CLIC4: variants seen among roughly 807,000 people sequenced by gnomAD.
CLIC4 encodes chloride intracellular channel protein 4.
A neutral mutation model predicts 24.6 loss-of-function variants in CLIC4; 13 were observed. The observed-to-expected ratio is 0.53, with a 90% CI of 0.34 to 0.84. CLIC4 has a LOEUF of 0.84. Among genes scored for constraint, CLIC4 ranks in the 40% least tolerant of loss-of-function variants. The pLI, the probability that CLIC4 is intolerant of heterozygous loss-of-function variation, is 0.01. For synonymous variants in CLIC4, 104 were observed against 111.3 expected, an observed-to-expected ratio of 0.93 and a Z score of 0.41; for missense variants, 227 against 301.7, an observed-to-expected ratio of 0.75 and a Z score of 1.83.
intron 1 of CLIC4, among the ~76,000 whole-genome samples, chr1:24,764,633 G>A (rs1269827678): frequency 2.6e-5 from 4 of 151,302 alleles, no homozygotes; most frequent in Admixed American, 2.0e-4. Context: ...CACCCTGGGC[G>A]ACAGAGCAAG....
At chr1:24,764,894 T>TA (rs1638974063) in intron 1 of CLIC4, among the ~76,000 whole-genome samples, 1 of 152,200 alleles carries the variant, frequency 6.6e-6, no homozygotes, top group African/African-American at 2.4e-5. Context: ...ACTACAAATT[T>TA]AAAAAATCTT....
intron 1 of CLIC4, among the ~76,000 whole-genome samples, chr1:24,769,786 G>A (rs1335917671): frequency 6.6e-6 from 1 of 151,972 alleles, no homozygotes; most frequent in Non-Finnish European, 1.5e-5. Context: ...TGCATTTTGG[G>A]GGCCTGGTTA....
chr1:24,788,073 C>T (rs893243510), intron 1 of CLIC4, among the ~76,000 whole-genome samples: 4 of 149,486 alleles, frequency 2.7e-5, no homozygotes, highest in African/African-American at 7.4e-5. Flanking sequence ...AGGCTGGTCT[C>T]AAACTCCTGA....
intron 3 of CLIC4, among the ~76,000 whole-genome samples, chr1:24,826,598 T>C (rs2124166759): frequency 6.6e-6 from 1 of 152,374 alleles, no homozygotes; most frequent in Non-Finnish European, 1.5e-5. Flanking sequence ...AATAGGTACA[T>C]GGCACTAGTG....
At chr1:24,783,936 G>A (rs1273093597) in intron 1 of CLIC4, among the ~76,000 whole-genome samples, 2 of 151,768 alleles carry the variant, frequency 1.3e-5, no homozygotes, top group Non-Finnish European at 2.9e-5. Context: ...ACAGATAGCT[G>A]AGTCCAAAAG....
intron 2 of CLIC4, among the ~76,000 whole-genome samples, chr1:24,801,124 A>G (rs1639484592): frequency 6.6e-6 from 1 of 152,174 alleles, no homozygotes; most frequent in Non-Finnish European, 1.5e-5. Context: ...AGGGTTTGGC[A>G]GTGGATTCCT....
rs1273169731 is a variant in CLIC4 at position 24,797,737 on chromosome 1, T to G, written c.73-5T>G. 6.3e-7 allele frequency: 1 copy of G among 1,594,634 alleles called. No homozygotes were observed. The highest frequency in any genetic ancestry group is 1.4e-5 in the African/African-American group (1 of 73,782). ...TTGTTTTTAATGTTTAATTCTGTTTTCCAGGCTGGCAGTGATGGTGAAAGC... is the reference window on the plus strand; with the variant it reads ...TTGTTTTTAATGTTTAATTCTGTTTGCCAGGCTGGCAGTGATGGTGAAAGC... On this transcript the variant is annotated splice_region_variant and splice_polypyrimidine_tract_variant and intron_variant, in intron 1 of 5. Transcript: ENST00000374379.
chr1:24,842,367 C>T lies in CLIC4; in HGVS notation c.*1430C>T, dbSNP rs1557818187. ...GACTTTCTACGTACTACTCCAAAGA[C>T]TGTGATTGTGACTATAATACATTTT... is the stretch of plus-strand genomic sequence containing the variant. On this transcript the variant is annotated 3_prime_UTR_variant, in exon 6 of 6. Transcript: ENST00000374379. The T allele has an allele frequency of 6.6e-6, 1 of 152,130 alleles. No homozygotes were observed. Among genetic ancestry groups the T allele is most frequent in the Non-Finnish European group, 1.5e-5 (1 of 68,018 alleles). 9.4% of individuals were successfully genotyped at this position (152,130 alleles called of 1,614,324 possible). A position where few individuals can be genotyped will look rare whatever the true frequency, so the allele number is the denominator to read the frequency against.
chr1:24,829,574 A>G (rs1172737826), intron 4 of CLIC4, among the ~76,000 whole-genome samples: 3 of 152,164 alleles, frequency 2.0e-5, no homozygotes, highest in East Asian at 3.8e-4. Flanking sequence ...TAATTTATGT[A>G]ATTTGCTAAG....
At chr1:24,808,092 G>T (rs997528081) in intron 2 of CLIC4, among the ~76,000 whole-genome samples, 1 of 152,074 alleles carries the variant, frequency 6.6e-6, no homozygotes, top group Non-Finnish European at 1.5e-5. Context: ...GATTACAGGC[G>T]TGCGCCACTA....
chr1:24,807,323 T>A (rs998009596), intron 2 of CLIC4, among the ~76,000 whole-genome samples: 3 of 151,924 alleles, frequency 2.0e-5, no homozygotes, highest in African/African-American at 7.3e-5. Context: ...AAATTTTTGG[T>A]GCTGCAAAAG....
chr1:24,762,295 G>A (rs998006475), intron 1 of CLIC4, among the ~76,000 whole-genome samples: 5 of 152,110 alleles, frequency 3.3e-5, no homozygotes, highest in African/African-American at 1.2e-4. Context: ...GATGTCACAT[G>A]CCTATAGTCC....
chr1:24,779,455 G>A (rs1044745542), intron 1 of CLIC4, among the ~76,000 whole-genome samples: 7 of 152,172 alleles, frequency 4.6e-5, no homozygotes, highest in African/African-American at 1.7e-4. Context: ...GGGTGGCTGA[G>A]TGAGTGTTTG....
At chr1:24,803,642 T>C (rs1193785553) in intron 2 of CLIC4, among the ~76,000 whole-genome samples, 1 of 152,204 alleles carries the variant, frequency 6.6e-6, no homozygotes, top group South Asian at 2.1e-4. Context: ...GGGCCCAGGC[T>C]TCACAAAGAA....
At chr1:24,766,766 G>A (rs1639004851) in intron 1 of CLIC4, among the ~76,000 whole-genome samples, 1 of 150,350 alleles carries the variant, frequency 6.7e-6, no homozygotes, top group African/African-American at 2.4e-5. Context: ...TTGCCCTCCT[G>A]AAGTGCTGGG....
intron 1 of CLIC4, among the ~76,000 whole-genome samples, chr1:24,746,734 C>T (rs1280506087): frequency 6.6e-6 from 1 of 152,150 alleles, no homozygotes; most frequent in Non-Finnish European, 1.5e-5. Flanking sequence ...AAGGGCTGGG[C>T]GCGGTGGCTC....
At chr1:24,763,768 A>G (rs1638958707) in intron 1 of CLIC4, among the ~76,000 whole-genome samples, 1 of 151,910 alleles carries the variant, frequency 6.6e-6, no homozygotes, top group Non-Finnish European at 1.5e-5. Context: ...AATCCTGTAA[A>G]TCTCCATTTA....
intron 4 of CLIC4, among the ~76,000 whole-genome samples, chr1:24,830,051 A>T (rs1639824713): frequency 6.6e-6 from 1 of 152,112 alleles, no homozygotes; most frequent in Admixed American, 6.5e-5. Flanking sequence ...AGTCATTGTA[A>T]ATTATCTTGT....
intron 1 of CLIC4, among the ~76,000 whole-genome samples, chr1:24,759,997 C>T (rs1400511535): frequency 6.6e-6 from 1 of 152,048 alleles, no homozygotes; most frequent in Non-Finnish European, 1.5e-5. Flanking sequence ...TTTATCTTTT[C>T]CCTCAATAAT....
Sources: allele counts gnomAD v4.1 joint callset (sites outside exome capture counted in the v4.1 genomes callset), GRCh38; gene constraint gnomAD v4.1.1; transcripts MANE v1.5; gene names NCBI Gene and HGNC (gene_info 2026-07-23, HGNC 2026-07-21).